Variants in CPN1 observed in about 807,000 individuals in gnomAD.
CPN1 encodes carboxypeptidase N catalytic chain.
Under a neutral mutation model 46.4 loss-of-function variants are expected in CPN1, and 37 were observed. The ratio of observed to expected loss-of-function variants is 0.80; its 90% CI spans 0.61 to 1.05. The LOEUF (loss-of-function observed/expected upper bound fraction) is 1.05. CPN1 is among the 50% of genes least tolerant of loss of function. The pLI, the probability that CPN1 is intolerant of heterozygous loss-of-function variation, is 0.00. For missense variants in CPN1, 563 were observed against 602.6 expected, an observed-to-expected ratio of 0.93 and a Z score of 0.69; for synonymous variants, 224 against 235.4, an observed-to-expected ratio of 0.95 and a Z score of 0.44.
At chr10:100,042,598 C>T (rs1324895495) in intron 8 of CPN1, 25 bp from the exon 9 acceptor site, 7 of 1,613,528 alleles carry the variant, frequency 4.3e-6, no homozygotes, top group Admixed American at 1.7e-5. Context: ...GCAGGAGCTA[C>T]GAGATCCGTT....
At chr10:100,051,505 G>A (rs1383265504) in intron 7 of CPN1, among the ~76,000 whole-genome samples, 3 of 151,872 alleles carry the variant, frequency 2.0e-5, no homozygotes, top group African/African-American at 7.3e-5. Context: ...TTTACAATGG[G>A]TTTTTTCCCT....
chr10:100,044,693 G>A (rs190965589), intron 8 of CPN1, among the ~76,000 whole-genome samples: 19 of 150,356 alleles, frequency 1.3e-4, no homozygotes, highest in African/African-American at 4.6e-4. Context: ...TTTAAAGCTG[G>A]AAACTCTGTA....
chr10:100,068,532 T>G (rs2041467867), intron 3 of CPN1, among the ~76,000 whole-genome samples: 1 of 151,812 alleles, frequency 6.6e-6, no homozygotes, highest in Non-Finnish European at 1.5e-5. Context: ...AAGGGTTAGA[T>G]TCCTTGAACT....
intron 2 of CPN1, among the ~76,000 whole-genome samples, chr10:100,072,804 C>T (rs1201435510): frequency 6.6e-6 from 1 of 152,182 alleles, no homozygotes; most frequent in African/African-American, 2.4e-5. Flanking sequence ...GAGATGGACA[C>T]ACACATAAAT....
chr10:100,081,489 G>A lies in CPN1; in HGVS notation c.137C>T (p.Thr46Met), dbSNP rs753854211. 11 of 1,614,032 alleles carry A rather than the reference G, an allele frequency of 6.8e-6. No homozygotes were observed. Among genetic ancestry groups the A allele is most frequent in the South Asian group, 1.1e-5 (1 of 91,088 alleles). The change falls in exon 1 of 9, where the codon ACG (threonine) becomes ATG (methionine). Residue 46 changes from threonine (T) to methionine (M), a missense_variant. Transcript: ENST00000370418. ...GCTGCGCCCAATGCTGTAGACCCGC[G>A]TGATGCCGGGGCATTCGTTTTGCAC... is the stretch of plus-strand genomic sequence containing the variant. ...YKVQNECPGI[T>M]RVYSIGRSVE...
At chr10:100,081,362 G>C (rs373670285) in intron 1 of CPN1, 41 bp downstream of exon 1, 17 of 1,562,662 alleles carry the variant, frequency 1.1e-5, no homozygotes, top group Admixed American at 1.8e-5. Flanking sequence ...GCAAGGGAAA[G>C]GCCCTGCCCC....
chr10:100,075,229 G>T (rs193055791), intron 2 of CPN1, among the ~76,000 whole-genome samples: 1 of 152,178 alleles, frequency 6.6e-6, no homozygotes, highest in Non-Finnish European at 1.5e-5. Flanking sequence ...GGCAGAAATC[G>T]CAGTGAGCCG....
At chr10:100,065,760 G>GT (rs1163869008) in intron 3 of CPN1, among the ~76,000 whole-genome samples, 2 of 150,886 alleles carry the variant, frequency 1.3e-5, no homozygotes, top group Admixed American at 6.6e-5. Flanking sequence ...AGCGCTCATG[G>GT]TGAGTTAAGG....
intron 5 of CPN1, among the ~76,000 whole-genome samples, chr10:100,060,668 C>T (rs2041411504): frequency 6.6e-6 from 1 of 152,224 alleles, no homozygotes; most frequent in African/African-American, 2.4e-5. Context: ...ATAATAACTA[C>T]AGCCTATTAA....
intron 5 of CPN1, among the ~76,000 whole-genome samples, chr10:100,057,952 C>T (rs1056323574): frequency 6.6e-6 from 1 of 152,122 alleles, no homozygotes; most frequent in Admixed American, 6.6e-5. Context: ...AATATCCATC[C>T]TCCCAAACAT....
intron 7 of CPN1, among the ~76,000 whole-genome samples, chr10:100,050,109 T>C (rs974168496): frequency 2.0e-5 from 3 of 152,044 alleles, no homozygotes; most frequent in Non-Finnish European, 4.4e-5. Context: ...TCCCAGCACT[T>C]TGGGAGGCCC....
intron 5 of CPN1, among the ~76,000 whole-genome samples, chr10:100,061,927 G>A (rs765414524): frequency 9.9e-5 from 15 of 152,004 alleles, no homozygotes; most frequent in Non-Finnish European, 2.2e-4. Context: ...CTGTAGCCTT[G>A]AACTCCCACC....
intron 6 of CPN1, among the ~76,000 whole-genome samples, chr10:100,056,123 G>T (rs1403200615): frequency 6.6e-6 from 1 of 152,136 alleles, no homozygotes; most frequent in Non-Finnish European, 1.5e-5. Context: ...AGTGCACAAG[G>T]GTTCCAATTT....
rs375525929 is a variant in CPN1, at chr10:100,057,179, T to C, written c.872-27A>G. 8.1e-6 allele frequency: 13 copies of C among 1,612,140 alleles called. No homozygotes were observed. The African/African-American group carries it at 1.6e-4, about 20-fold the overall frequency. On this transcript the variant is annotated intron_variant, in intron 5 of 8. Coordinates refer to ENST00000370418, the MANE Select transcript of CPN1 (RefSeq NM_001308.3). ...TAAGGGAAAGAGGGCAGCAGCAGAT[T>C]TCCATAACCAGGTTCCCACCCAATG...
At chr10:100,080,062 G>A (rs1321618578) in intron 1 of CPN1, among the ~76,000 whole-genome samples, 1 of 151,242 alleles carries the variant, frequency 6.6e-6, no homozygotes, top group Non-Finnish European at 1.5e-5. Context: ...TTCCAGCCTG[G>A]GCAACAGAGT....
At chr10:100,042,717 G>A (rs981372642) in intron 8 of CPN1, 144 bp from the exon 9 acceptor site, 11 of 978,058 alleles carry the variant, frequency 1.1e-5, no homozygotes, top group Middle Eastern at 5.1e-4. Flanking sequence ...CTTGGCTAAC[G>A]TTCCCCCAAA....
chr10:100,068,659 C>T (rs1177156690), intron 3 of CPN1, among the ~76,000 whole-genome samples: 1 of 152,134 alleles, frequency 6.6e-6, no homozygotes, highest in Admixed American at 6.5e-5. Flanking sequence ...AGGGATCCTC[C>T]CAAATAGCTA....
At chr10:100,079,115 G>A (rs2041530510) in intron 1 of CPN1, among the ~76,000 whole-genome samples, 1 of 152,206 alleles carries the variant, frequency 6.6e-6, no homozygotes, top group East Asian at 1.9e-4. Flanking sequence ...TGCCTCTCCT[G>A]CTCCTCCTTG....
chr10:100,064,805 C>T (rs1236536816), intron 4 of CPN1, among the ~76,000 whole-genome samples: 4 of 151,828 alleles, frequency 2.6e-5, no homozygotes, highest in African/African-American at 9.7e-5. Flanking sequence ...TTCTTTAAGG[C>T]CCCACCTAAT....
Sources: allele counts gnomAD v4.1 joint callset (sites outside exome capture counted in the v4.1 genomes callset), GRCh38; gene constraint gnomAD v4.1.1; transcripts MANE v1.5; gene names NCBI Gene and HGNC (gene_info 2026-07-23, HGNC 2026-07-21).